SNTB2: variants seen among roughly 807,000 people sequenced by gnomAD.
The protein encoded by SNTB2 is syntrophin beta 2, also known as beta-2-syntrophin.
A neutral mutation model predicts 46.2 loss-of-function variants in SNTB2; 34 were observed. That is an observed-to-expected ratio of 0.74 (90% confidence interval 0.56 to 0.98). SNTB2 has a LOEUF of 0.98. SNTB2 is among the 50% of genes least tolerant of loss of function. The pLI, the probability that SNTB2 is intolerant of heterozygous loss-of-function variation, is 0.00. For missense variants in SNTB2, 603 were observed against 731.4 expected (o/e 0.82, Z 2.02); for synonymous variants, 290 against 312.6 (o/e 0.93, Z 0.76).
intron 2 of SNTB2, among the ~76,000 whole-genome samples, chr16:69,246,998 T>C (rs1410447758): frequency 6.7e-6 from 1 of 150,166 alleles, no homozygotes; most frequent in Non-Finnish European, 1.5e-5. Context: ...TGTATATATA[T>C]GTAACTAACC....
At chr16:69,298,833 T>C (rs1965252130) in intron 5 of SNTB2, among the ~76,000 whole-genome samples, 3 of 152,050 alleles carry the variant, frequency 2.0e-5, no homozygotes, top group African/African-American at 7.2e-5. Flanking sequence ...GTATTACCAA[T>C]TCTTTAGGGC....
chr16:69,191,635 G>GT (rs948931174), intron 1 of SNTB2, among the ~76,000 whole-genome samples: 7 of 148,724 alleles, frequency 4.7e-5, no homozygotes, highest in South Asian at 2.1e-4. Context: ...ATTTACTGGT[G>GT]TTTTTTTATT....
At chr16:69,260,308 C>T in intron 3 of SNTB2, 48 bp downstream of exon 3, 1 of 1,542,820 alleles carries the variant, frequency 6.5e-7, no homozygotes. Flanking sequence ...CATTCAGTGC[C>T]AGGATGGTTC....
At chr16:69,242,201 G>A (rs1964623996) in intron 1 of SNTB2, among the ~76,000 whole-genome samples, 1 of 152,104 alleles carries the variant, frequency 6.6e-6, no homozygotes, top group African/African-American at 2.4e-5. Flanking sequence ...TAAGGCGGGA[G>A]GGTTGCTTGA....
chr16:69,199,257 C>T (rs919959857), intron 1 of SNTB2, among the ~76,000 whole-genome samples: 3 of 152,112 alleles, frequency 2.0e-5, no homozygotes, highest in African/African-American at 7.2e-5. Flanking sequence ...TTTGATGATT[C>T]AGATGGAACC....
chr16:69,258,153 C>T (rs1964796237), intron 2 of SNTB2, among the ~76,000 whole-genome samples: 1 of 152,186 alleles, frequency 6.6e-6, no homozygotes, highest in Non-Finnish European at 1.5e-5. Flanking sequence ...GCAGCAAAAA[C>T]TGTCTTCAGA....
chr16:69,201,887 G>A (rs1033446264), intron 1 of SNTB2, among the ~76,000 whole-genome samples: 1 of 152,008 alleles, frequency 6.6e-6, no homozygotes, highest in Non-Finnish European at 1.5e-5. Context: ...TTCATACCTG[G>A]ATGGAAAATT....
intron 2 of SNTB2, among the ~76,000 whole-genome samples, chr16:69,247,519 A>C (rs530360253): frequency 6.6e-6 from 1 of 152,320 alleles, no homozygotes; most frequent in East Asian, 1.9e-4. Flanking sequence ...GAAGACACCA[A>C]GAAACTGAAT....
chr16:69,286,633 T>C (rs1352368661), intron 5 of SNTB2, among the ~76,000 whole-genome samples: 1 of 151,502 alleles, frequency 6.6e-6, no homozygotes. Flanking sequence ...TGCAGTGAGC[T>C]ATGGTAGTGC....
intron 1 of SNTB2, among the ~76,000 whole-genome samples, chr16:69,195,351 G>T (rs1212450690): frequency 2.0e-5 from 3 of 152,080 alleles, no homozygotes; most frequent in South Asian, 2.1e-4. Flanking sequence ...GCTTACTGCA[G>T]CCCTGAACTC....
chr16:69,266,733 A>G (rs987432896), intron 3 of SNTB2, among the ~76,000 whole-genome samples: 4 of 152,076 alleles, frequency 2.6e-5, no homozygotes, highest in Non-Finnish European at 5.9e-5. Context: ...TATTTTATTT[A>G]TGAAACAGGG....
chr16:69,250,057 G>A, intron 2 of SNTB2, among the ~76,000 whole-genome samples: 1 of 151,918 alleles, frequency 6.6e-6, no homozygotes, highest in East Asian at 1.9e-4. Context: ...TGAGATTGCA[G>A]CACTTTGCAA....
At position 69,302,643 on chromosome 16, in the gene SNTB2, C is replaced by T. The variant is rs1238312300; in HGVS notation, c.*1719C>T. The T allele has an allele frequency of 1.3e-5, 2 of 152,206 alleles. No homozygotes were observed. Among genetic ancestry groups the T allele is most frequent in the Non-Finnish European group, 2.9e-5 (2 of 68,044 alleles). The allele number at this position is 152,206 out of a possible 1,614,324, so 9.4% of individuals were successfully genotyped here. ...AGGTCAACATTGTAACTCCATTGTC[C>T]TCCTTCACCCATAAGTCAGTCCTCC... is the stretch of plus-strand genomic sequence containing the variant. On this transcript the variant is annotated 3_prime_UTR_variant, in exon 7 of 7. Transcript: ENST00000336278.
chr16:69,197,705 A>G (rs1446436887), intron 1 of SNTB2, among the ~76,000 whole-genome samples: 1 of 152,204 alleles, frequency 6.6e-6, no homozygotes, highest in Non-Finnish European at 1.5e-5. Context: ...CTTTGCCCAA[A>G]TGAAACAAAA....
At chr16:69,279,869 AT>A (rs141954394) in intron 4 of SNTB2, among the ~76,000 whole-genome samples, 19,290 of 148,950 alleles carry the variant, frequency 0.13, 1,515 homozygotes, top group Middle Eastern at 0.22. Flanking sequence ...TAATTAATTA[AT>A]TTATTTATTT....
Position 69,187,272 on chromosome 16 carries a change from T to C in SNTB2, c.106T>C (p.Trp36Arg). Residue 36 changes from tryptophan (W) to arginine (R), a missense_variant, in exon 1 of 7, where the codon TGG becomes CGG. Trp to Arg is a moderately radical substitution (Grantham distance 101). Transcript: ENST00000336278. ...GGTGGAGCTGCTCCTGAGGGAGCGCTGGGTCCGAGTGGTGGCCGAGCTGAG... is the reference window on the plus strand; with the variant it reads ...GGTGGAGCTGCTCCTGAGGGAGCGCCGGGTCCGAGTGGTGGCCGAGCTGAG... ...GLVELLLRER[W>R]VRVVAELSGE... is the part of the protein sequence containing the mutation. 1 of 1,487,714 alleles carries C rather than the reference T, an allele frequency of 6.7e-7. No individual in the cohort carries two copies. Among genetic ancestry groups the C allele is most frequent in the Non-Finnish European group, 8.9e-7 (1 of 1,124,876 alleles). The allele number at this position is 1,487,714 out of a possible 1,614,324, so 92.2% of individuals were successfully genotyped here.
rs1302298054 is a variant in SNTB2, at chr16:69,308,781, A to C, written c.*7857A>C. On this transcript the variant is annotated 3_prime_UTR_variant, in exon 7 of 7. Transcript: ENST00000336278. Reference sequence around the variant, plus strand: ...CTGTATTTAAACAAGCCTTCTTTTTAAGTCTTGTTTGAAATTTAAGTCTCA... The same window carrying C: ...CTGTATTTAAACAAGCCTTCTTTTTCAGTCTTGTTTGAAATTTAAGTCTCA... 6.6e-6 allele frequency: 1 copy of C among 152,160 alleles called. No individual in the cohort carries two copies. The highest frequency in any genetic ancestry group is 2.4e-5 in the African/African-American group (1 of 41,422). 9.4% of individuals were successfully genotyped at this position (152,160 alleles called of 1,614,324 possible). A position where few individuals can be genotyped will look rare whatever the true frequency, so the allele number is the denominator to read the frequency against.
At chr16:69,265,864 G>A (rs1567410490) in intron 3 of SNTB2, among the ~76,000 whole-genome samples, 1 of 151,126 alleles carries the variant, frequency 6.6e-6, no homozygotes, top group Non-Finnish European at 1.5e-5. Context: ...AAAATTTGGA[G>A]AAAGCTGTAG....
chr16:69,233,750 A>G (rs1284132573), intron 1 of SNTB2, among the ~76,000 whole-genome samples: 1 of 151,786 alleles, frequency 6.6e-6, no homozygotes, highest in Non-Finnish European at 1.5e-5. Flanking sequence ...AGGCAGAAGG[A>G]TCACTTGAGG....
Sources: allele counts gnomAD v4.1 joint callset (sites outside exome capture counted in the v4.1 genomes callset), GRCh38; gene constraint gnomAD v4.1.1; transcripts MANE v1.5; gene names NCBI Gene and HGNC (gene_info 2026-07-23, HGNC 2026-07-21).